Variants in PECR observed in about 807,000 individuals in gnomAD.
PECR encodes the protein 2,4-dienoyl-CoA reductase-related protein.
Under a neutral mutation model 35.3 loss-of-function variants are expected in PECR, and 30 were observed. That is an observed-to-expected ratio of 0.85 (90% CI 0.64 to 1.15). The LOEUF is 1.15. Ranked by LOEUF, PECR falls within the 50% of genes most tolerant of loss-of-function variation. PECR has a pLI of 0.00. For missense variants in PECR, 392 were observed against 370.8 expected (o/e 1.06, Z -0.47); for synonymous variants, 148 against 138.9 (o/e 1.07, Z -0.46).
At chr2:216,051,684 T>C (rs1336445198) in intron 4 of PECR, 139 bp from the exon 5 acceptor site, 6 of 705,134 alleles carry the variant, frequency 8.5e-6, no homozygotes, top group East Asian at 2.7e-5. Context: ...GTTGAGCTTC[T>C]GTCTAAACAA....
At chr2:216,067,214 A>G (rs572664859) in intron 1 of PECR, among the ~76,000 whole-genome samples, 1 of 152,310 alleles carries the variant, frequency 6.6e-6, no homozygotes, top group African/African-American at 2.4e-5. Context: ...AAAGATATAC[A>G]GAGAGCGAGA....
At chr2:216,030,725 C>CTTTTTT (rs549744417) in intron 7 of PECR, among the ~76,000 whole-genome samples, 1 of 145,024 alleles carries the variant, frequency 6.9e-6, no homozygotes. Flanking sequence ...GTATTTCTTT[C>CTTTTTT]TTTCTTTTTT....
chr2:216,037,665 T>C (rs1694816477), downstream of PECR, among the ~76,000 whole-genome samples: 1 of 152,118 alleles, frequency 6.6e-6, no homozygotes, highest in Admixed American at 6.6e-5. Context: ...GAATAGCTCC[T>C]TAAATGCTGC....
intron 7 of PECR, among the ~76,000 whole-genome samples, chr2:216,031,449 A>C (rs1421770494): frequency 6.9e-6 from 1 of 144,174 alleles, no homozygotes; most frequent in Admixed American, 7.3e-5. Flanking sequence ...AAGAAAAAGA[A>C]AGAAAGAGAG....
rs372956838 is a variant in PECR, at chr2:216,043,981, G to T, written c.749C>A (p.Ala250Glu). 177 of 1,611,802 alleles carry T rather than the reference G, an allele frequency of 1.1e-4. No individual in the cohort carries two copies. Among genetic ancestry groups the T allele is most frequent in the Middle Eastern group, 1.6e-4 (1 of 6,074 alleles). The stretch of plus-strand genomic sequence containing the variant: ...CGACTGTCCAGTGATGAAGGAAGCT[G>T]CAGGAGACAGTAGGAAGCAGACCAC... ...SSVVCFLLSP[A>E]ASFITGQSVD... Residue 250 changes from alanine (A) to glutamate (E), a missense_variant, in exon 7 of 8, where the codon GCA becomes GAA. Physicochemically the swap from Ala to Glu is moderately radical, Grantham distance 107 (BLOSUM62 -1). Coordinates refer to ENST00000265322, the MANE Select transcript of PECR (RefSeq NM_018441.6).
chr2:216,074,034 C>A (rs1433050866), intron 1 of PECR, among the ~76,000 whole-genome samples: 3 of 152,230 alleles, frequency 2.0e-5, no homozygotes, highest in Non-Finnish European at 4.4e-5. Context: ...ATAAGCACCC[C>A]AGGACAAGCC....
At chr2:216,062,368 A>G (rs1179843368) in intron 3 of PECR, among the ~76,000 whole-genome samples, 1 of 152,202 alleles carries the variant, frequency 6.6e-6, no homozygotes, top group Non-Finnish European at 1.5e-5. Flanking sequence ...TCTAAATGAT[A>G]GGTATACAGA....
At chr2:216,048,795 A>C (rs1184733848) in intron 6 of PECR, among the ~76,000 whole-genome samples, 1 of 140,136 alleles carries the variant, frequency 7.1e-6, no homozygotes, top group Non-Finnish European at 1.5e-5. Flanking sequence ...GTGAGCTATG[A>C]TCGTGACACT....
At chr2:216,075,613 G>T (rs149720026) in intron 1 of PECR, among the ~76,000 whole-genome samples, 1 of 152,192 alleles carries the variant, frequency 6.6e-6, no homozygotes, top group African/African-American at 2.4e-5. Context: ...TAGCTAGAGA[G>T]ATGCAGAAAG....
At chr2:216,041,854 G>C (rs1396279472) in intron 7 of PECR, among the ~76,000 whole-genome samples, 2 of 152,212 alleles carry the variant, frequency 1.3e-5, no homozygotes, top group Non-Finnish European at 2.9e-5. Flanking sequence ...CCAGATAGCT[G>C]AACACATGAA....
chr2:216,061,311 CAAAAAAAAAAAAA>C (rs56791924), intron 3 of PECR, among the ~76,000 whole-genome samples: 1,421 of 44,982 alleles, frequency 0.032, 15 homozygotes, highest in Non-Finnish European at 0.043. Flanking sequence ...AACCCTGTCT[CAAAAAAAAAAAAA>C]AAAAAAAAAA....
Position 216,066,430 on chromosome 2 carries a change from C to G in PECR, c.213G>C (p.Gln71His). The change falls in exon 2 of 8, where the codon CAG becomes CAC. Residue 71 changes from glutamine to histidine, a missense_variant. Physicochemically the swap from Gln to His is conservative, Grantham distance 24. Transcript: ENST00000265322. ...TGCATTGTATGGGAATGACTCGTGCCTGCTTTGTGGGAGGTAGGTTGGCCT... is the reference window on the plus strand; with the variant it reads ...TGCATTGTATGGGAATGACTCGTGCGTGCTTTGTGGGAGGTAGGTTGGCCT... ...ELQANLPPTKQARVIPIQCNI... is the reference protein window; with the variant it reads ...ELQANLPPTKHARVIPIQCNI... The G allele has an allele frequency of 1.9e-6, 3 of 1,613,710 alleles. No individual in the cohort carries two copies. The highest frequency in any genetic ancestry group is 2.5e-6 in the Non-Finnish European group (3 of 1,179,608).
At chr2:216,049,083 G>T (rs1695052819) in intron 6 of PECR, among the ~76,000 whole-genome samples, 180 bp downstream of exon 6, 1 of 152,134 alleles carries the variant, frequency 6.6e-6, no homozygotes, top group African/African-American at 2.4e-5. Context: ...CTCAAGTACA[G>T]ATTGCTGTCA....
intron 1 of PECR, among the ~76,000 whole-genome samples, chr2:216,080,185 G>C (rs972109942): frequency 6.6e-6 from 1 of 151,820 alleles, no homozygotes; most frequent in Non-Finnish European, 1.5e-5. Context: ...AGGTTCAAGC[G>C]ATTCTTGCGC....
At position 216,038,688 on chromosome 2, in the gene PECR, G is replaced by C. The variant is rs545314719; in HGVS notation, c.*587C>G. 1 of 154,874 alleles carries C rather than the reference G, an allele frequency of 6.5e-6. No individual in the cohort carries two copies. The highest frequency in any genetic ancestry group is 2.4e-5 in the African/African-American group (1 of 41,522). The allele number at this position is 154,874 out of a possible 1,614,324, so 9.6% of individuals were successfully genotyped here. On this transcript the variant is annotated 3_prime_UTR_variant, in exon 8 of 8. Coordinates refer to ENST00000265322, the MANE Select transcript of PECR (RefSeq NM_018441.6). ...TGCAGTAGCATGATCTCAGCTCACT[G>C]CAACCTCTGCTTCCTGGGTTCAAGC...
chr2:216,048,243 T>G (rs1171277913), intron 6 of PECR, among the ~76,000 whole-genome samples: 1 of 151,674 alleles, frequency 6.6e-6, no homozygotes, highest in Non-Finnish European at 1.5e-5. Flanking sequence ...CCCGGGTAAT[T>G]TTTTTGTATT....
chr2:216,033,825 C>T (rs1227092212), downstream of PECR: 2 of 152,290 alleles, frequency 1.3e-5, no homozygotes, highest in African/African-American at 4.8e-5. Flanking sequence ...TGCTTGAAAG[C>T]TGAAACTAAC....
intron 7 of PECR, among the ~76,000 whole-genome samples, chr2:216,031,008 C>G (rs1032498286): frequency 1.3e-5 from 2 of 151,638 alleles, no homozygotes; most frequent in Admixed American, 6.6e-5. Flanking sequence ...TGTCCCTGCT[C>G]TCTCTCTCTC....
intron 7 of PECR, among the ~76,000 whole-genome samples, chr2:216,030,781 T>C (rs1694669143): frequency 6.6e-6 from 1 of 151,438 alleles, no homozygotes; most frequent in African/African-American, 2.4e-5. Context: ...CAGGCTGGTC[T>C]TGAACTCTTG....
Sources: allele counts gnomAD v4.1 joint callset (sites outside exome capture counted in the v4.1 genomes callset), GRCh38; gene constraint gnomAD v4.1.1; transcripts MANE v1.5; gene names NCBI Gene and HGNC (gene_info 2026-07-23, HGNC 2026-07-21).